PRKN: variants seen among roughly 807,000 people sequenced by gnomAD.
PRKN encodes the protein parkin RBR E3 ubiquitin protein ligase, also known as E3 ubiquitin-protein ligase parkin.
PRKN carries 56 observed loss-of-function variants against 59.5 expected under a neutral mutation model. That is an observed-to-expected ratio of 0.94 (90% CI 0.76 to 1.18). The LOEUF is 1.18. Among genes scored for constraint, PRKN ranks in the 50% most tolerant of loss-of-function variants. The pLI is 0.00. For synonymous variants in PRKN, 250 were observed against 222.1 expected, an observed-to-expected ratio of 1.13 and a Z score of -1.12; for missense variants, 657 against 596.4, an observed-to-expected ratio of 1.10 and a Z score of -1.06.
chr6:162,213,213 A>G (rs1777471503), intron 3 of PRKN, among the ~76,000 whole-genome samples: 1 of 152,160 alleles, frequency 6.6e-6, no homozygotes, highest in Non-Finnish European at 1.5e-5. Context: ...GAATATTAAA[A>G]ACCTATCAAG....
intron 9 of PRKN, among the ~76,000 whole-genome samples, chr6:161,500,864 G>GTTTTTTTTTTCT (rs1777933160): frequency 7.5e-6 from 1 of 132,542 alleles, no homozygotes; most frequent in African/African-American, 2.9e-5. Context: ...GTTTAGTTTA[G>GTTTTTTTTTTCT]TTTTTTTTTT....
intron 5 of PRKN, among the ~76,000 whole-genome samples, chr6:162,011,263 A>T (rs1583482649): frequency 1.9e-5 from 1 of 51,950 alleles, no homozygotes; most frequent in Non-Finnish European, 3.9e-5. Context: ...TATAGTATAT[A>T]TTTATAATAT....
At chr6:161,670,801 C>T (rs538481840) in intron 7 of PRKN, among the ~76,000 whole-genome samples, 8 of 145,332 alleles carry the variant, frequency 5.5e-5, no homozygotes, top group South Asian at 2.4e-4. Context: ...AGCAACAGAG[C>T]GAGACTCTGT....
At position 162,553,801 on chromosome 6, in the gene PRKN, C is replaced by A. The variant is rs1160554286; in HGVS notation, c.8-110328G>T. ...TGGGCAACAGAGCAAGAATCCATCT[C>A]AAAAAAAAAAAAAAAAAAAAAAAAA... On this transcript the variant is annotated intron_variant, in intron 1 of 11. Coordinates refer to ENST00000366898, the MANE Select transcript of PRKN (RefSeq NM_004562.3). Among the ~76,000 whole-genome samples, 12 of 30,372 alleles carry A rather than the reference C, an allele frequency of 4.0e-4. No individual in the cohort carries two copies. In the Admixed American group the frequency reaches 7.9e-3, roughly 20 times the overall value. 19.9% of individuals were successfully genotyped at this position (30,372 alleles called of 152,430 possible). A position where few individuals can be genotyped will look rare whatever the true frequency, so the allele number is the denominator to read the frequency against.
intron 1 of PRKN, among the ~76,000 whole-genome samples, chr6:162,505,900 G>A (rs1485298124): frequency 2.6e-5 from 4 of 152,194 alleles, no homozygotes; most frequent in African/African-American, 9.7e-5. Flanking sequence ...GCACAGCCAA[G>A]TCAGTGTTTC....
At chr6:162,054,954 G>A (rs1256732218) in intron 4 of PRKN, among the ~76,000 whole-genome samples, 2 of 152,140 alleles carry the variant, frequency 1.3e-5, no homozygotes, top group Non-Finnish European at 2.9e-5. Context: ...CTGAGGTCAG[G>A]AGTTCAAGAC....
Position 161,428,433 on chromosome 6 carries a change from A to G in PRKN, c.1084-41556T>C, listed in dbSNP as rs1788491975. ...CCGGAGTCTGTGAGCTTCAGGGTCC[A>G]CACGAGCCTCATGGAGAGACAGGCG... On this transcript the variant is annotated intron_variant, in intron 9 of 11. Coordinates refer to ENST00000366898, the MANE Select transcript of PRKN (RefSeq NM_004562.3). The surrounding 1 kb of genome is among the most constrained non-coding windows in gnomAD (Gnocchi z 4.0). Among the ~76,000 whole-genome samples, 1 of 152,142 alleles carries G rather than the reference A, an allele frequency of 6.6e-6. No individual in the cohort carries two copies. Among genetic ancestry groups the G allele is most frequent in the African/African-American group, 2.4e-5 (1 of 41,418 alleles).
intron 4 of PRKN, among the ~76,000 whole-genome samples, chr6:162,078,043 C>T (rs751809080): frequency 1.3e-5 from 2 of 150,704 alleles, no homozygotes; most frequent in African/African-American, 2.4e-5. Flanking sequence ...ATTCACAATA[C>T]TAGCATACAC....
chr6:161,901,925 G>A (rs1369432241), intron 6 of PRKN, among the ~76,000 whole-genome samples: 1 of 152,168 alleles, frequency 6.6e-6, no homozygotes, highest in Non-Finnish European at 1.5e-5. Context: ...CCTGGAGAGA[G>A]TGGGATGCCG....
Position 162,604,600 on chromosome 6 carries a change from A to C in PRKN, c.7+123062T>G, listed in dbSNP as rs534072022. 1.1e-4 allele frequency among the ~76,000 whole-genome samples: 17 copies of C among 151,774 alleles called. No individual in the cohort carries two copies. The South Asian group carries it at 3.3e-3, about 30-fold the overall frequency. On this transcript the variant is annotated intron_variant, in intron 1 of 11. Transcript: ENST00000366898. ...TTTTCTGGGTCCATGTTTTTCCCCCACACTCATCCCCTACATATGAAGTCT... is the reference window on the plus strand; with the variant it reads ...TTTTCTGGGTCCATGTTTTTCCCCCCCACTCATCCCCTACATATGAAGTCT...
intron 1 of PRKN, among the ~76,000 whole-genome samples, chr6:162,482,232 T>C (rs1459534402): frequency 2.0e-5 from 3 of 152,218 alleles, no homozygotes; most frequent in Admixed American, 6.5e-5. Flanking sequence ...CTGACTTTAC[T>C]ACAAAAATAT....
At chr6:161,926,927 C>T (rs953812390) in intron 6 of PRKN, among the ~76,000 whole-genome samples, 4 of 152,106 alleles carry the variant, frequency 2.6e-5, no homozygotes, top group Non-Finnish European at 4.4e-5. Context: ...GAAAATCCCT[C>T]TAAATTTTGC....
intron 7 of PRKN, among the ~76,000 whole-genome samples, chr6:161,701,825 G>C (rs375662871): frequency 3.9e-4 from 60 of 152,166 alleles, no homozygotes; most frequent in African/African-American, 1.4e-3. Context: ...CATATTATGG[G>C]AACAGAAATA....
chr6:161,626,884 C>G (rs905958210), intron 7 of PRKN, among the ~76,000 whole-genome samples: 1 of 152,140 alleles, frequency 6.6e-6, no homozygotes, highest in Non-Finnish European at 1.5e-5. Flanking sequence ...CCCCCACCAC[C>G]CAGAGCAGTC....
Position 162,214,454 on chromosome 6 carries a change from G to A in PRKN, c.413-13202C>T, listed in dbSNP as rs190556090. ...CTGTGGCTCTGAGCACATGAAAGGT[G>A]GTTCCTGAAACTAAGGAATTCATTT... On this transcript the variant is annotated intron_variant, in intron 3 of 11. Coordinates refer to ENST00000366898, the MANE Select transcript of PRKN (RefSeq NM_004562.3). Among the ~76,000 whole-genome samples the A allele has an allele frequency of 2.2e-3, 333 of 152,118 alleles. 3 individuals carry two copies. The highest frequency in any genetic ancestry group is 7.8e-3 in the African/African-American group (322 of 41,490).
rs748625670 is a variant in PRKN at position 161,423,817 on chromosome 6, T to C, written c.1084-36940A>G. Among the ~76,000 whole-genome samples, 4 of 152,206 alleles carry C rather than the reference T, an allele frequency of 2.6e-5. No homozygotes were observed. Among genetic ancestry groups the C allele is most frequent in the African/African-American group, 4.8e-5 (2 of 41,448 alleles). On this transcript the variant is annotated intron_variant, in intron 9 of 11. Coordinates refer to ENST00000366898, the MANE Select transcript of PRKN (RefSeq NM_004562.3). The surrounding 1 kb of genome is among the most constrained non-coding windows in gnomAD (Gnocchi z 5.9). The stretch of plus-strand genomic sequence containing the variant: ...AGGGGACTCTGCCTAGGTCTCATCA[T>C]TGTGTATGAATTGACAGAACAGTGC...
chr6:161,373,074 G>T lies in PRKN; in HGVS notation c.1168-12869C>A, dbSNP rs1378981846. On this transcript the variant is annotated intron_variant, in intron 10 of 11. Coordinates refer to ENST00000366898, the MANE Select transcript of PRKN (RefSeq NM_004562.3). This position sits in a 1 kb window ranked among gnomAD's most constrained non-coding sequence, Gnocchi z 4.8. ...GATCCTCCCACCCTGGCCTCCCAAA[G>T]TGTGGGGCTGCCGGTGTGAACCACC... 6.6e-6 allele frequency among the ~76,000 whole-genome samples: 1 copy of T among 152,078 alleles called. No individual in the cohort carries two copies. Among genetic ancestry groups the T allele is most frequent in the Non-Finnish European group, 1.5e-5 (1 of 68,012 alleles).
intron 5 of PRKN, among the ~76,000 whole-genome samples, chr6:162,000,197 T>C (rs1416150738): frequency 6.6e-6 from 1 of 152,022 alleles, no homozygotes; most frequent in East Asian, 1.9e-4. Flanking sequence ...TAAGACTATG[T>C]TTAGTTTTGT....
intron 1 of PRKN, among the ~76,000 whole-genome samples, chr6:162,667,149 A>G (rs187232134): frequency 1.3e-5 from 2 of 152,232 alleles, no homozygotes; most frequent in Non-Finnish European, 1.5e-5. Context: ...GGCTAATCCT[A>G]AACAGTGGAT....
Sources: allele counts gnomAD v4.1 joint callset (sites outside exome capture counted in the v4.1 genomes callset), GRCh38; gene constraint gnomAD v4.1.1; non-coding constraint Gnocchi (gnomAD v3.1); transcripts MANE v1.5; gene names NCBI Gene and HGNC (gene_info 2026-07-23, HGNC 2026-07-21).